The following NELL1 variants were observed in gnomAD, a reference collection of about 807,000 sequenced individuals.
NELL1 encodes the protein protein kinase C-binding protein NELL1.
A neutral mutation model predicts 107.4 loss-of-function variants in NELL1; 76 were observed. The observed-to-expected ratio is 0.71, with a 90% CI of 0.59 to 0.86. The LOEUF is 0.86. Among genes scored for constraint, NELL1 ranks in the 40% least tolerant of loss-of-function variants. NELL1 has a pLI of 0.00. For synonymous variants in NELL1, 353 were observed against 341.2 expected, an observed-to-expected ratio of 1.03 and a Z score of -0.38; for missense variants, 1,024 against 1,005.5, an observed-to-expected ratio of 1.02 and a Z score of -0.25.
intron 12 of NELL1, among the ~76,000 whole-genome samples, chr11:21,054,585 A>G (rs1363758620): frequency 6.6e-6 from 1 of 152,104 alleles, no homozygotes; most frequent in African/African-American, 2.4e-5. Context: ...TATTAGCCCT[A>G]CCGGATTGTC....
At chr11:20,784,591 G>C (rs1275766565) in intron 3 of NELL1, among the ~76,000 whole-genome samples, 1 of 152,170 alleles carries the variant, frequency 6.6e-6, no homozygotes, top group East Asian at 1.9e-4. Context: ...TCATCGCAAA[G>C]CTTCAATGCC....
intron 3 of NELL1, among the ~76,000 whole-genome samples, chr11:20,798,404 G>A (rs1279007874): frequency 6.6e-6 from 1 of 152,080 alleles, no homozygotes; most frequent in Non-Finnish European, 1.5e-5. Context: ...TGAAAAAACA[G>A]CTAATGTAGC....
chr11:21,504,028 T>A (rs772211722), intron 15 of NELL1: 9 of 152,240 alleles, frequency 5.9e-5, no homozygotes, highest in Non-Finnish European at 8.8e-5. Context: ...GAGATTTTTC[T>A]CTTCCCCAAA....
At chr11:21,273,690 C>T (rs1412844501) in intron 14 of NELL1, among the ~76,000 whole-genome samples, 1 of 152,208 alleles carries the variant, frequency 6.6e-6, no homozygotes, top group African/African-American at 2.4e-5. Context: ...ACCCATCAGA[C>T]TAACAGCTGA....
At chr11:21,136,103 C>T (rs1175772428) in intron 13 of NELL1, among the ~76,000 whole-genome samples, 1 of 152,028 alleles carries the variant, frequency 6.6e-6, no homozygotes, top group African/African-American at 2.4e-5. Flanking sequence ...TTACATAGGG[C>T]CGTAGGGGAA....
intron 15 of NELL1, among the ~76,000 whole-genome samples, chr11:21,407,180 C>A (rs754821505): frequency 2.0e-5 from 3 of 151,954 alleles, no homozygotes; most frequent in Non-Finnish European, 4.4e-5. Context: ...CTTTGGGAGG[C>A]CAAAGTGGGC....
chr11:21,143,672 G>A (rs1855915491), intron 13 of NELL1, among the ~76,000 whole-genome samples: 1 of 152,146 alleles, frequency 6.6e-6, no homozygotes, highest in Non-Finnish European at 1.5e-5. Flanking sequence ...CTAACTCACT[G>A]GAATTTATGT....
chr11:21,332,942 T>C (rs1325646468), intron 14 of NELL1, among the ~76,000 whole-genome samples: 1 of 152,064 alleles, frequency 6.6e-6, no homozygotes, highest in African/African-American at 2.4e-5. Context: ...TTTGTGTGTC[T>C]TTTATTCTAA....
chr11:21,165,759 T>A (rs1204536701), intron 13 of NELL1, among the ~76,000 whole-genome samples: 1 of 35,370 alleles, frequency 2.8e-5, no homozygotes, highest in African/African-American at 1.3e-4. Context: ...CAATGAGATC[T>A]TTTTTTTTTT....
intron 12 of NELL1, among the ~76,000 whole-genome samples, chr11:20,961,445 A>G (rs1318964780): frequency 6.6e-6 from 1 of 152,096 alleles, no homozygotes; most frequent in South Asian, 2.1e-4. Flanking sequence ...TGCTGTCTTC[A>G]TTAATAATAC....
At chr11:20,889,069 G>A (rs920351342) in intron 5 of NELL1, among the ~76,000 whole-genome samples, 3 of 152,138 alleles carry the variant, frequency 2.0e-5, no homozygotes, top group Non-Finnish European at 2.9e-5. Context: ...TTCATCTCTT[G>A]AAGGGCTGCT....
chr11:21,174,345 C>G lies in NELL1; in HGVS notation c.1427-54987C>G, dbSNP rs981317599. 4.0e-5 allele frequency among the ~76,000 whole-genome samples: 6 copies of G among 151,856 alleles called. No homozygotes were observed. The East Asian group carries it at 1.2e-3, about 29-fold the overall frequency. ...TGTGGTAGCTTACAAAAAACTATGT[C>G]TTCTAACATTTTAAGCTTTTTCCCC... On this transcript the variant is annotated intron_variant, in intron 13 of 19. Transcript: ENST00000357134.
At chr11:20,710,789 C>T (rs912888899) in intron 2 of NELL1, among the ~76,000 whole-genome samples, 17 of 151,776 alleles carry the variant, frequency 1.1e-4, no homozygotes, top group Non-Finnish European at 4.4e-5. Flanking sequence ...TCCATCTCCT[C>T]TAGATTTTCT....
chr11:20,885,123 T>C (rs932465822), intron 4 of NELL1, among the ~76,000 whole-genome samples: 1 of 152,172 alleles, frequency 6.6e-6, no homozygotes, highest in Admixed American at 6.5e-5. Flanking sequence ...GATTCCTAAA[T>C]CTGAGCTTTC....
At chr11:20,949,848 G>A (rs1851036292) in intron 11 of NELL1, among the ~76,000 whole-genome samples, 1 of 152,134 alleles carries the variant, frequency 6.6e-6, no homozygotes, top group Non-Finnish European at 1.5e-5. Context: ...TTGATCTTAG[G>A]CAGGGCCCGT....
In NELL1 at chr11:21,305,336, T is replaced by A. The variant is rs944830972; in HGVS notation, c.1550-65517T>A. 3.4e-4 allele frequency among the ~76,000 whole-genome samples: 51 copies of A among 152,136 alleles called. 1 individual carries two copies. The highest frequency in any genetic ancestry group is 3.4e-3 in the Middle Eastern group (1 of 294). The stretch of plus-strand genomic sequence containing the variant: ...TATGGTAATTGAATTTTAAATTTAA[T>A]TTAGCAGTAAAAGTCTGCTATTTAG... On this transcript the variant is annotated intron_variant, in intron 14 of 19. Coordinates refer to ENST00000357134, the MANE Select transcript of NELL1 (RefSeq NM_006157.5).
intron 2 of NELL1, among the ~76,000 whole-genome samples, chr11:20,729,102 G>T (rs2133919253): frequency 6.7e-6 from 1 of 148,844 alleles, no homozygotes; most frequent in African/African-American, 2.5e-5. Flanking sequence ...TTGGCTCTCA[G>T]CTTGAACATT....
chr11:21,449,612 G>A (rs1020994269), intron 15 of NELL1, among the ~76,000 whole-genome samples: 30 of 152,230 alleles, frequency 2.0e-4, no homozygotes, highest in African/African-American at 6.3e-4. Context: ...TTGTATCTAA[G>A]AAATGTTTGA....
At chr11:20,945,990 GC>G (rs2134196698) in intron 10 of NELL1, among the ~76,000 whole-genome samples, 1 of 152,338 alleles carries the variant, frequency 6.6e-6, no homozygotes, top group African/African-American at 2.4e-5. Flanking sequence ...CCAGAGGCTG[GC>G]CTGTCTGGAC....
Sources: allele counts gnomAD v4.1 joint callset (sites outside exome capture counted in the v4.1 genomes callset), GRCh38; gene constraint gnomAD v4.1.1; transcripts MANE v1.5; gene names NCBI Gene and HGNC (gene_info 2026-07-23, HGNC 2026-07-21).